The following NECAB2 variants were observed in gnomAD, a reference collection of about 807,000 sequenced individuals.
The protein encoded by NECAB2 is N-terminal EF-hand calcium binding protein 2.
A neutral mutation model predicts 51.9 loss-of-function variants in NECAB2; 68 were observed. The ratio of observed to expected loss-of-function variants is 1.31; its 90% CI spans 1.08 to 1.60. NECAB2 has a LOEUF of 1.60. Among genes scored for constraint, NECAB2 ranks in the 40% most tolerant of loss-of-function variants. The pLI is 0.00. For missense variants in NECAB2, 854 were observed against 490.3 expected, an observed-to-expected ratio of 1.74 and a Z score of -7.00; for synonymous variants, 329 against 203.5, an observed-to-expected ratio of 1.62 and a Z score of -5.25.
At chr16:83,979,089 C>A (rs551749035) in intron 3 of NECAB2, among the ~76,000 whole-genome samples, 1 of 152,318 alleles carries the variant, frequency 6.6e-6, no homozygotes, top group East Asian at 1.9e-4. Flanking sequence ...TCTGTCTCCA[C>A]CCATCTCTAA....
intron 4 of NECAB2, 60 bp downstream of exon 4, chr16:83,980,924 G>T (rs2084479178): frequency 6.2e-7 from 1 of 1,611,946 alleles, no homozygotes; most frequent in Non-Finnish European, 8.5e-7. Flanking sequence ...TGGATGAGAA[G>T]GGCCTGAGGC....
At chr16:83,973,818 C>T (rs146108408) in intron 2 of NECAB2, among the ~76,000 whole-genome samples, 1 of 151,634 alleles carries the variant, frequency 6.6e-6, no homozygotes, top group African/African-American at 2.4e-5. Context: ...GACTCAGCAG[C>T]GTGAGGCTGT....
At chr16:83,977,842 G>GTA (rs1158459119) in intron 2 of NECAB2, among the ~76,000 whole-genome samples, 1 of 152,230 alleles carries the variant, frequency 6.6e-6, no homozygotes, top group Non-Finnish European at 1.5e-5. Context: ...TGTACTCTAA[G>GTA]AACAGTGCTG....
At position 84,002,696 on chromosome 16, in the gene NECAB2, G is replaced by A. The variant is rs768053808; in HGVS notation, c.*350G>A. On this transcript the variant is annotated 3_prime_UTR_variant, in exon 13 of 13. Coordinates refer to ENST00000305202, the MANE Select transcript of NECAB2 (RefSeq NM_019065.3). ...TTCGGTGACATTCTTCTACCTAGTA[G>A]GAGTCATGCCCCTGTAGTGCCCAAC... 1.4e-5 allele frequency: 5 copies of A among 351,686 alleles called. No individual in the cohort carries two copies. Among genetic ancestry groups the A allele is most frequent in the Admixed American group, 3.8e-5 (1 of 26,576 alleles). The allele number at this position is 351,686 out of a possible 1,614,324, so 21.8% of individuals were successfully genotyped here.
chr16:83,970,510 G>C (rs117913573), intron 1 of NECAB2, among the ~76,000 whole-genome samples: 1 of 152,154 alleles, frequency 6.6e-6, no homozygotes, highest in Admixed American at 6.5e-5. Context: ...CAGTCTCACC[G>C]CCCAGGTGCC....
chr16:83,968,785 C>G lies in NECAB2; in HGVS notation c.137C>G (p.Ala46Gly). 2.7e-6 allele frequency: 3 copies of G among 1,112,396 alleles called. No homozygotes were observed. Among genetic ancestry groups the G allele is most frequent in the Middle Eastern group, 7.8e-4 (2 of 2,570 alleles). 68.9% of individuals were successfully genotyped at this position (1,112,396 alleles called of 1,614,324 possible). The change falls in exon 1 of 13, where the codon GCC becomes GGC. Residue 46 changes from alanine (A) to glycine (G), a missense_variant. By Grantham distance (60) the Ala-to-Gly change is moderately conservative. Transcript: ENST00000305202. ...ATGGGCGAGCCCCGGGAGTCGCTGG[C>G]CCCCGCCGCCCCCGCGGACCCCGGC... ...ARMGEPRESL[A>G]PAAPADPGPA...
rs2084864017 is a variant in NECAB2, at chr16:84,002,715, GCCCAA to G, written c.*372_*376del. On this transcript the variant is annotated 3_prime_UTR_variant, in exon 13 of 13. Coordinates refer to ENST00000305202, the MANE Select transcript of NECAB2 (RefSeq NM_019065.3). ...CTAGTAGGAGTCATGCCCCTGTAGTGCCCAACCTAGCCAGGTAGCCACCACTGTGC... is the reference window on the plus strand; with the variant it reads ...CTAGTAGGAGTCATGCCCCTGTAGTGCCTAGCCAGGTAGCCACCACTGTGC... The G allele has an allele frequency of 3.6e-6, 1 of 275,514 alleles. No individual in the cohort carries two copies. The highest frequency in any genetic ancestry group is 6.1e-5 in the South Asian group (1 of 16,366). 17.1% of individuals were successfully genotyped at this position (275,514 alleles called of 1,614,324 possible).
chr16:84,002,410 T>G lies in NECAB2; in HGVS notation c.*64T>G. 1 of 1,562,078 alleles carries G rather than the reference T, an allele frequency of 6.4e-7. No individual in the cohort carries two copies. The highest frequency in any genetic ancestry group is 1.1e-5 in the South Asian group (1 of 89,982). On this transcript the variant is annotated 3_prime_UTR_variant, in exon 13 of 13. Transcript: ENST00000305202. ...TTCTTCTTGTGAAGGAAATCCCGTT[T>G]TTTTCTAGACAGACACTTTGGTGCA...
intron 2 of NECAB2, among the ~76,000 whole-genome samples, chr16:83,973,098 C>T (rs1226216723): frequency 6.6e-6 from 1 of 152,318 alleles, no homozygotes; most frequent in East Asian, 1.9e-4. Flanking sequence ...GAATCGCGTG[C>T]TCCCGGTATG....
intron 9 of NECAB2, among the ~76,000 whole-genome samples, chr16:83,997,729 A>C (rs755075202): frequency 9.9e-5 from 15 of 151,804 alleles, no homozygotes; most frequent in Non-Finnish European, 1.9e-4. Context: ...TCCTATCCTC[A>C]TGATCTGCCC....
rs1484612655 is a variant in NECAB2 at position 83,997,234 on chromosome 16, C to T, written c.814C>T (p.Gln272Ter). The change falls in exon 9 of 13, where the codon CAG (glutamine) becomes TAG (stop). Residue 272 changes from glutamine (Q) to a stop codon, truncating the protein, a stop_gained. Coordinates refer to ENST00000305202, the MANE Select transcript of NECAB2 (RefSeq NM_019065.3). LOFTEE classifies it high-confidence loss of function. ...GTTTCAGGCACTGTGGTTCGACCTG[C>T]AGCAGCGCCTGTCAGATGAAGATGG... ...LESKALWFDL[Q>*]QRLSDEDGTN... 7 of 1,614,138 alleles carry T rather than the reference C, an allele frequency of 4.3e-6. No homozygotes were observed. The highest frequency in any genetic ancestry group is 5.9e-6 in the Non-Finnish European group (7 of 1,180,026).
chr16:83,965,823 A>T (rs569496222), upstream of NECAB2: 46 of 1,612,242 alleles, frequency 2.9e-5, 3 homozygotes, highest in South Asian at 4.7e-4. Context: ...GTGGATCCTG[A>T]CCAGCCGCTG....
chr16:83,980,833 C>T lies in NECAB2; in HGVS notation c.336-6C>T, dbSNP rs201000795. On this transcript the variant is annotated splice_region_variant and splice_polypyrimidine_tract_variant and intron_variant, in intron 3 of 12. Coordinates refer to ENST00000305202, the MANE Select transcript of NECAB2 (RefSeq NM_019065.3). ...TGTCTGTCTCTGCCTCTGTCTGTCT[C>T]TGCAGCCATGTGGACACCAAGGAGC... 1.9e-6 allele frequency: 3 copies of T among 1,582,020 alleles called. No homozygotes were observed. The highest frequency in any genetic ancestry group is 2.7e-5 in the African/African-American group (2 of 74,046).
chr16:83,975,469 A>T (rs938530035), intron 2 of NECAB2, among the ~76,000 whole-genome samples: 3 of 152,092 alleles, frequency 2.0e-5, no homozygotes, highest in African/African-American at 7.2e-5. Flanking sequence ...GGAAGGATGG[A>T]TGGGATGCCT....
chr16:83,997,205 G>A lies in NECAB2; in HGVS notation c.796-11G>A, dbSNP rs779633740. ...CTGGGTCTAGCATCACTGTGTGCTG[G>A]ATTGTTTCAGGCACTGTGGTTCGAC... is the stretch of plus-strand genomic sequence containing the variant. On this transcript the variant is annotated splice_polypyrimidine_tract_variant and intron_variant, in intron 8 of 12. Coordinates refer to ENST00000305202, the MANE Select transcript of NECAB2 (RefSeq NM_019065.3). 2.5e-6 allele frequency: 4 copies of A among 1,614,012 alleles called. No individual in the cohort carries two copies. The African/African-American group carries it at 5.3e-5, about 22-fold the overall frequency.
rs1230148489 is a variant in NECAB2, at chr16:83,994,373, C to G, written c.668C>G (p.Pro223Arg). The stretch of plus-strand genomic sequence containing the variant: ...GGAAGCCCCACTCCCGCCTCTGCCC[C>G]CAACCACAAGCTCATGGCTATGGAA... The part of the protein sequence containing the change: ...WCGSPTPASA[P>R]NHKLMAMEQG... The change falls in exon 7 of 13, where the codon CCC becomes CGC. Residue 223 changes from proline to arginine, a missense_variant. Physicochemically the swap from Pro to Arg is moderately radical, Grantham distance 103. Transcript: ENST00000305202. 1.9e-6 allele frequency: 3 copies of G among 1,614,054 alleles called. No homozygotes were observed. The highest frequency in any genetic ancestry group is 2.5e-6 in the Non-Finnish European group (3 of 1,180,036).
chr16:83,981,073 C>T lies in NECAB2; in HGVS notation c.405C>T (p.Ala135=), dbSNP rs1240304945. 3 of 1,614,182 alleles carry T rather than the reference C, an allele frequency of 1.9e-6. No individual in the cohort carries two copies. The highest frequency in any genetic ancestry group is 1.3e-5 in the African/African-American group (1 of 75,028). ...DHMGDYEDVL[A]SLETLNHSVL... ...TGGGTGACTATGAGGATGTCCTGGC[C>T]TCCCTGGAGACCTTGAATCACTCTG... is the stretch of plus-strand genomic sequence containing the variant. Residue 135 remains alanine (A), a synonymous_variant, in exon 5 of 13, where the codon GCC becomes GCT. Coordinates refer to ENST00000305202, the MANE Select transcript of NECAB2 (RefSeq NM_019065.3).
At chr16:83,997,110 C>A in intron 8 of NECAB2, 106 bp from the exon 9 acceptor site, 4 of 1,338,888 alleles carry the variant, frequency 3.0e-6, no homozygotes, top group Non-Finnish European at 4.2e-6. Context: ...GCAACAGGGC[C>A]GGGTCCTTGG....
At chr16:83,970,132 T>C (rs74032338) in intron 1 of NECAB2, among the ~76,000 whole-genome samples, 11,323 of 152,194 alleles carry the variant, frequency 0.074, 1,371 homozygotes, top group African/African-American at 0.26. Context: ...CTGCCCTGCA[T>C]GGAAGCCCTG....
Sources: gnomAD v4.1 joint callset for allele counts (sites outside exome capture counted in the v4.1 genomes callset) on GRCh38, gnomAD v4.1.1 for gene constraint, MANE v1.5 for transcripts, NCBI Gene and HGNC (gene_info 2026-07-23, HGNC 2026-07-21) for gene names.